STAMBPL1: variants seen among roughly 807,000 people sequenced by gnomAD.
STAMBPL1 encodes STAM binding protein like 1.
In STAMBPL1, 44 loss-of-function variants were observed where a neutral mutation model predicts 52.9. The ratio of observed to expected loss-of-function variants is 0.83; its 90% confidence interval spans 0.65 to 1.07. The LOEUF (loss-of-function observed/expected upper bound fraction) is 1.07, where lower values mean the gene tolerates loss of function less well. Ranked by LOEUF, STAMBPL1 falls within the 50% of genes least tolerant of loss-of-function variation. The pLI, the probability that STAMBPL1 is intolerant of heterozygous loss-of-function variation, is 0.00. For synonymous variants in STAMBPL1, 164 were observed against 177.3 expected (o/e 0.92, Z 0.60); for missense variants, 511 against 520.8 (o/e 0.98, Z 0.18).
chr10:88,917,184 G>A (rs1016138036), intron 8 of STAMBPL1, among the ~76,000 whole-genome samples: 2 of 152,142 alleles, frequency 1.3e-5, no homozygotes, highest in African/African-American at 4.8e-5. Context: ...GCCTAGTGAA[G>A]GCTTAGCCAA....
chr10:88,887,086 A>T (rs1351834315), intron 1 of STAMBPL1, among the ~76,000 whole-genome samples: 1 of 152,192 alleles, frequency 6.6e-6, no homozygotes, highest in Non-Finnish European at 1.5e-5. Flanking sequence ...GTTCCACAAG[A>T]TAAGTTTTCT....
chr10:88,905,042 A>C (rs114725466), intron 2 of STAMBPL1, among the ~76,000 whole-genome samples: 1 of 152,154 alleles, frequency 6.6e-6, no homozygotes, highest in Non-Finnish European at 1.5e-5. Flanking sequence ...GACCCTTCAG[A>C]GTAGACTGAC....
chr10:88,904,095 C>T (rs1376009943), intron 2 of STAMBPL1, among the ~76,000 whole-genome samples: 1 of 152,182 alleles, frequency 6.6e-6, no homozygotes, highest in Non-Finnish European at 1.5e-5. Context: ...TAGCTTTCTA[C>T]AGACTTGAAT....
At chr10:88,904,630 A>G (rs1475315116) in intron 2 of STAMBPL1, among the ~76,000 whole-genome samples, 1 of 149,774 alleles carries the variant, frequency 6.7e-6, no homozygotes, top group Non-Finnish European at 1.5e-5. Context: ...GGCACTTAAC[A>G]GAGAAAATTT....
At chr10:88,882,912 AG>A (rs1187077943) in intron 1 of STAMBPL1, 2 of 152,028 alleles carry the variant, frequency 1.3e-5, no homozygotes, top group Non-Finnish European at 2.9e-5. Flanking sequence ...CACAACTTGC[AG>A]GTTTGTTACA....
intron 6 of STAMBPL1, 73 bp downstream of exon 6, chr10:88,913,531 A>G (rs892382794): frequency 7.6e-7 from 1 of 1,308,116 alleles, no homozygotes; most frequent in African/African-American, 1.5e-5. Flanking sequence ...AGCATCTGGG[A>G]GGGTCCTTCT....
chr10:88,890,911 C>G (rs541258765), intron 1 of STAMBPL1, among the ~76,000 whole-genome samples: 35 of 152,326 alleles, frequency 2.3e-4, no homozygotes, highest in Middle Eastern at 3.4e-3. Flanking sequence ...ACCAATTCCT[C>G]TATTCTCTGT....
chr10:88,881,372 A>G (rs756435908), intron 1 of STAMBPL1, among the ~76,000 whole-genome samples: 24 of 152,024 alleles, frequency 1.6e-4, no homozygotes, highest in Admixed American at 8.5e-4. Flanking sequence ...ACGGAACCCA[A>G]TCTAGAGGTT....
At chr10:88,911,841 A>G (rs1845233223) in intron 5 of STAMBPL1, among the ~76,000 whole-genome samples, 1 of 152,208 alleles carries the variant, frequency 6.6e-6, no homozygotes, top group Admixed American at 6.5e-5. Flanking sequence ...GTGTATATTA[A>G]TAATGTGACT....
chr10:88,881,453 T>C (rs182374423), intron 1 of STAMBPL1, among the ~76,000 whole-genome samples: 12 of 152,230 alleles, frequency 7.9e-5, no homozygotes, highest in Admixed American at 6.5e-4. Flanking sequence ...TGTTCGGTAG[T>C]AAGTAAAAAA....
At chr10:88,903,380 T>A (rs1844994840) in intron 2 of STAMBPL1, among the ~76,000 whole-genome samples, 1 of 152,238 alleles carries the variant, frequency 6.6e-6, no homozygotes, top group Non-Finnish European at 1.5e-5. Context: ...CTATTAATCA[T>A]CACTTATGTG....
chr10:88,917,533 A>G (rs1176065720), intron 8 of STAMBPL1, among the ~76,000 whole-genome samples: 1 of 151,308 alleles, frequency 6.6e-6, no homozygotes, highest in Non-Finnish European at 1.5e-5. Flanking sequence ...TCATCCATAA[A>G]GTGGAGATCA....
chr10:88,923,392 G>A lies in STAMBPL1; in HGVS notation c.*168G>A, dbSNP rs1247283631. ...TGCACATTTTAAAGTTTTCTTTTTG[G>A]GTTGCTCTGTGTCAAGAGAGGTTAC... On this transcript the variant is annotated 3_prime_UTR_variant, in exon 11 of 11. Coordinates refer to ENST00000371926, the MANE Select transcript of STAMBPL1 (RefSeq NM_020799.4). The A allele has an allele frequency of 7.3e-6, 10 of 1,367,902 alleles. No homozygotes were observed. The highest frequency in any genetic ancestry group is 3.6e-5 in the Admixed American group (1 of 27,528). 84.7% of individuals were successfully genotyped at this position (1,367,902 alleles called of 1,614,324 possible).
intron 1 of STAMBPL1, among the ~76,000 whole-genome samples, chr10:88,897,200 C>T (rs1844832748): frequency 6.6e-6 from 1 of 152,138 alleles, no homozygotes; most frequent in Admixed American, 6.6e-5. Context: ...GCATTTTGGC[C>T]ACATCCCCTC....
At chr10:88,892,266 T>C (rs1297810054) in intron 1 of STAMBPL1, among the ~76,000 whole-genome samples, 4 of 152,048 alleles carry the variant, frequency 2.6e-5, no homozygotes, top group Non-Finnish European at 4.4e-5. Context: ...GGGCTGGAGA[T>C]CCCTGGGGCA....
intron 1 of STAMBPL1, chr10:88,882,491 T>C (rs1470956345): frequency 6.6e-6 from 1 of 152,234 alleles, no homozygotes; most frequent in East Asian, 1.9e-4. Flanking sequence ...AATTTACAGC[T>C]ACAATCCAAG....
Position 88,923,166 on chromosome 10 carries a change from A to G in STAMBPL1, c.1255-2A>G, listed in dbSNP as rs374651744. 6.2e-7 allele frequency: 1 copy of G among 1,602,824 alleles called. No homozygotes were observed. The highest frequency in any genetic ancestry group is 8.5e-7 in the Non-Finnish European group (1 of 1,176,710). On this transcript the variant is annotated splice_acceptor_variant, in intron 10 of 10. Transcript: ENST00000371926. LOFTEE classifies it high-confidence loss of function. ...TGGTAAAACCAATTTTTTCTTTCCT[A>G]GATATGCAAACATGTGTTGGTAAAA...
chr10:88,892,964 C>G (rs1456494954), intron 1 of STAMBPL1, among the ~76,000 whole-genome samples: 1 of 152,152 alleles, frequency 6.6e-6, no homozygotes, highest in Non-Finnish European at 1.5e-5. Context: ...CATTATACTT[C>G]ATTGAACTAA....
At chr10:88,914,846 A>G (rs1029676386) in intron 7 of STAMBPL1, among the ~76,000 whole-genome samples, 188 bp downstream of exon 7, 3 of 152,078 alleles carry the variant, frequency 2.0e-5, no homozygotes, top group Non-Finnish European at 4.4e-5. Flanking sequence ...TCCTTTTAGA[A>G]AATAGATTGT....
Sources: gnomAD v4.1 joint callset for allele counts (sites outside exome capture counted in the v4.1 genomes callset) on GRCh38, gnomAD v4.1.1 for gene constraint, MANE v1.5 for transcripts, NCBI Gene and HGNC (gene_info 2026-07-23, HGNC 2026-07-21) for gene names.